Variants in COLGALT2 observed in about 807,000 individuals in gnomAD.
The protein encoded by COLGALT2 is procollagen galactosyltransferase 2.
In COLGALT2, 49 loss-of-function variants were observed where a neutral mutation model predicts 73.4. The observed-to-expected ratio is 0.67, with a 90% CI of 0.53 to 0.85. The LOEUF is 0.85. Ranked by LOEUF, COLGALT2 falls within the 40% of genes least tolerant of loss-of-function variation. COLGALT2 has a pLI of 0.00. For synonymous variants in COLGALT2, 295 were observed against 307.6 expected (o/e 0.96, Z 0.43); for missense variants, 722 against 790.2 (o/e 0.91, Z 1.03).
At chr1:183,993,582 C>G (rs1403618182) in intron 1 of COLGALT2, among the ~76,000 whole-genome samples, 1 of 152,120 alleles carries the variant, frequency 6.6e-6, no homozygotes, top group Non-Finnish European at 1.5e-5. Flanking sequence ...CCCTGAGGAA[C>G]AAGTAGACCA....
At chr1:183,975,646 A>G (rs749105957) in intron 2 of COLGALT2, among the ~76,000 whole-genome samples, 15 of 152,244 alleles carry the variant, frequency 9.9e-5, no homozygotes, top group Non-Finnish European at 4.4e-5. Context: ...AGTGTAAAAC[A>G]TGAGTTTCCC....
chr1:184,031,534 T>C (rs1649510016), intron 1 of COLGALT2, among the ~76,000 whole-genome samples: 1 of 152,196 alleles, frequency 6.6e-6, no homozygotes, highest in Non-Finnish European at 1.5e-5. Flanking sequence ...TCTTCCCAAG[T>C]TGGGTCAACC....
At chr1:183,961,769 C>G (rs548373857) in intron 6 of COLGALT2, among the ~76,000 whole-genome samples, 2 of 152,132 alleles carry the variant, frequency 1.3e-5, no homozygotes, top group East Asian at 3.8e-4. Flanking sequence ...CAACTACATG[C>G]CACGCACTGT....
intron 1 of COLGALT2, among the ~76,000 whole-genome samples, chr1:184,008,219 G>A (rs1028249562): frequency 6.6e-6 from 1 of 151,820 alleles, no homozygotes; most frequent in Non-Finnish European, 1.5e-5. Flanking sequence ...GAGAAGCAGT[G>A]GAATATTTTA....
At chr1:184,000,840 T>C (rs544238876) in intron 1 of COLGALT2, among the ~76,000 whole-genome samples, 111 of 148,428 alleles carry the variant, frequency 7.5e-4, no homozygotes, top group African/African-American at 2.7e-3. Flanking sequence ...TTTTTTTTTT[T>C]TTTTTTTGAG....
downstream of COLGALT2, among the ~76,000 whole-genome samples, chr1:183,934,668 A>C (rs548350517): frequency 2.0e-5 from 3 of 152,180 alleles, no homozygotes; most frequent in Non-Finnish European, 4.4e-5. Flanking sequence ...TCCTCTGTTT[A>C]GTTGGCAAGA....
intron 1 of COLGALT2, among the ~76,000 whole-genome samples, chr1:184,022,950 C>T (rs1210800654): frequency 1.3e-5 from 2 of 152,164 alleles, no homozygotes; most frequent in Non-Finnish European, 2.9e-5. Flanking sequence ...TGGCCTACAG[C>T]TGGAGAGTAT....
intron 1 of COLGALT2, among the ~76,000 whole-genome samples, chr1:184,011,783 T>C (rs182545408): frequency 1.3e-5 from 2 of 152,274 alleles, no homozygotes; most frequent in East Asian, 3.9e-4. Flanking sequence ...GAGGTGTAAG[T>C]GGGTGTCAAT....
rs1279784799 is a variant in COLGALT2, at chr1:183,938,982, G to C, written c.1660C>G (p.Pro554Ala). The C allele has an allele frequency of 6.2e-7, 1 of 1,614,108 alleles. No homozygotes were observed. The change falls in exon 12 of 12, where the codon CCC (proline) becomes GCC (alanine). Residue 554 changes from proline (P) to alanine (A), a missense_variant. By Grantham distance (27) the Pro-to-Ala change is conservative. Transcript: ENST00000361927. Reference protein sequence around the residue: ...SRDLKAFSAEPLLIYPTHYTG... With the variant: ...SRDLKAFSAEALLIYPTHYTG... ...TAGTGCGTAGGGTAGATGAGCAAGG[G>C]TTCTGCAGAGAAGGCTTTCAGGTCC...
chr1:184,027,616 T>C (rs889372485), intron 1 of COLGALT2, among the ~76,000 whole-genome samples: 3 of 152,246 alleles, frequency 2.0e-5, no homozygotes, highest in Non-Finnish European at 2.9e-5. Flanking sequence ...AAGTCACTTT[T>C]AGGCCACCTC....
intron 1 of COLGALT2, among the ~76,000 whole-genome samples, chr1:183,985,267 C>A (rs1484518513): frequency 6.6e-6 from 1 of 152,084 alleles, no homozygotes; most frequent in African/African-American, 2.4e-5. Flanking sequence ...GGACACAGTA[C>A]TCCTTTATTT....
At chr1:184,019,007 C>T (rs766493002) in intron 1 of COLGALT2, among the ~76,000 whole-genome samples, 4 of 152,168 alleles carry the variant, frequency 2.6e-5, no homozygotes, top group Non-Finnish European at 4.4e-5. Context: ...TGAGTTTCAA[C>T]ACTTGAATTT....
intron 1 of COLGALT2, among the ~76,000 whole-genome samples, chr1:184,021,156 ACT>A (rs1649171090): frequency 6.6e-6 from 1 of 152,108 alleles, no homozygotes. Flanking sequence ...GTTACAGTTC[ACT>A]GTTTTTAAAA....
At chr1:184,029,973 T>G (rs1649456065) in intron 1 of COLGALT2, among the ~76,000 whole-genome samples, 1 of 152,250 alleles carries the variant, frequency 6.6e-6, no homozygotes, top group South Asian at 2.1e-4. Flanking sequence ...AGGATATATG[T>G]ATATGTATAG....
chr1:183,978,484 T>G lies in COLGALT2; in HGVS notation c.300A>C (p.Glu100Asp). The G allele has an allele frequency of 6.2e-7, 1 of 1,611,508 alleles. No homozygotes were observed. The highest frequency in any genetic ancestry group is 8.5e-7 in the Non-Finnish European group (1 of 1,177,916). The change falls in exon 2 of 12, where the codon GAA becomes GAC. Residue 100 changes from glutamate to aspartate, a missense_variant. Coordinates refer to ENST00000361927, the MANE Select transcript of COLGALT2 (RefSeq NM_015101.4). ...CATTTTTCAACCACTCCCTGAATAT[T>G]TCTGTTGTATTATCCACATTGTGAT... ...ATDHNVDNTTEIFREWLKNVQ... is the reference protein window; with the variant it reads ...ATDHNVDNTTDIFREWLKNVQ...
intron 1 of COLGALT2, among the ~76,000 whole-genome samples, chr1:184,001,277 TA>T (rs1671918303): frequency 6.6e-6 from 1 of 152,190 alleles, no homozygotes; most frequent in Non-Finnish European, 1.5e-5. Context: ...ATAAAATAAA[TA>T]TTTTTCAGCT....
exon 12 of COLGALT2, chr1:183,929,989 C>T (rs1669804967): frequency 1.1e-5 from 3 of 269,008 alleles, no homozygotes; most frequent in Admixed American, 4.6e-5. Flanking sequence ...TTCGCCATCT[C>T]GGTGTTTCCC....
At chr1:183,986,313 C>T (rs1283816125) in intron 1 of COLGALT2, among the ~76,000 whole-genome samples, 1 of 152,174 alleles carries the variant, frequency 6.6e-6, no homozygotes, top group Non-Finnish European at 1.5e-5. Context: ...CAATTCTTCC[C>T]AATGAACTAA....
At chr1:183,978,856 A>T (rs751133109) in intron 1 of COLGALT2, among the ~76,000 whole-genome samples, 4 of 152,136 alleles carry the variant, frequency 2.6e-5, no homozygotes, top group African/African-American at 7.2e-5. Flanking sequence ...CTTCTTGGAA[A>T]TTTTTCTATA....
Sources: gnomAD v4.1 joint callset for allele counts (sites outside exome capture counted in the v4.1 genomes callset) on GRCh38, gnomAD v4.1.1 for gene constraint, MANE v1.5 for transcripts, NCBI Gene and HGNC (gene_info 2026-07-23, HGNC 2026-07-21) for gene names.